Variants in PSMD1 observed in about 807,000 individuals in gnomAD.
PSMD1 encodes the protein 26S proteasome non-ATPase regulatory subunit 1.
A neutral mutation model predicts 119.0 loss-of-function variants in PSMD1; 18 were observed. The observed-to-expected ratio is 0.15, with a 90% CI of 0.10 to 0.22. The LOEUF (loss-of-function observed/expected upper bound fraction) is 0.22, where lower values mean the gene tolerates loss of function less well. Ranked by LOEUF, PSMD1 falls within the 10% of genes least tolerant of loss-of-function variation. The probability of loss-of-function intolerance (pLI) is 1.00; values close to 1 mark genes in which losing one functional copy is unlikely to be tolerated. For synonymous variants in PSMD1, 374 were observed against 396.6 expected (o/e 0.94, Z 0.68); for missense variants, 702 against 1,158.5 (o/e 0.61, Z 5.72).
intron 23 of PSMD1, among the ~76,000 whole-genome samples, chr2:231,167,064 A>T (rs1476163937): frequency 2.0e-5 from 3 of 152,234 alleles, no homozygotes; most frequent in South Asian, 2.1e-4. Context: ...TGTGGAGATT[A>T]AATAGGTTGT....
chr2:231,098,618 T>C (rs774579436), intron 16 of PSMD1, among the ~76,000 whole-genome samples: 9 of 152,002 alleles, frequency 5.9e-5, no homozygotes, highest in African/African-American at 1.7e-4. Context: ...CAGCCACTTA[T>C]GCTGCTGTTC....
At chr2:231,093,208 C>T (rs941139941) in intron 16 of PSMD1, among the ~76,000 whole-genome samples, 1 of 152,054 alleles carries the variant, frequency 6.6e-6, no homozygotes, top group Non-Finnish European at 1.5e-5. Flanking sequence ...GAGATGAGCC[C>T]AATAGAGAGT....
intron 17 of PSMD1, among the ~76,000 whole-genome samples, chr2:231,139,535 C>T (rs1268247532): frequency 7.5e-6 from 1 of 133,568 alleles, no homozygotes; most frequent in African/African-American, 3.0e-5. Context: ...GCATGAGCCA[C>T]TGTGCCTGGC....
At chr2:231,142,714 G>A (rs1696154441) in intron 17 of PSMD1, among the ~76,000 whole-genome samples, 1 of 151,890 alleles carries the variant, frequency 6.6e-6, no homozygotes, top group Non-Finnish European at 1.5e-5. Flanking sequence ...CTCAAAGGCC[G>A]AGTTACTGTC....
chr2:231,141,880 G>GTTTA (rs541233186), intron 17 of PSMD1, among the ~76,000 whole-genome samples: 11 of 151,458 alleles, frequency 7.3e-5, no homozygotes, highest in African/African-American at 1.7e-4. Context: ...TTATTTGTTT[G>GTTTA]TTTATTTATT....
chr2:231,153,475 A>T, intron 18 of PSMD1, 89 bp from the exon 19 acceptor site: 1 of 944,882 alleles, frequency 1.1e-6, no homozygotes, highest in Non-Finnish European at 1.7e-6. Context: ...GAACTAACTC[A>T]TTATCATTGG....
intron 18 of PSMD1, among the ~76,000 whole-genome samples, chr2:231,153,226 CA>C (rs1696409840): frequency 6.6e-6 from 1 of 152,188 alleles, no homozygotes; most frequent in African/African-American, 2.4e-5. Context: ...AGCTATAATT[CA>C]AAATGCAATG....
chr2:231,106,347 G>A (rs1694974011), intron 16 of PSMD1, among the ~76,000 whole-genome samples: 1 of 152,114 alleles, frequency 6.6e-6, no homozygotes, highest in Admixed American at 6.6e-5. Context: ...AGCTAGACAT[G>A]GTGACTCACA....
intron 5 of PSMD1, among the ~76,000 whole-genome samples, chr2:231,069,678 C>T (rs897855076): frequency 5.9e-5 from 9 of 152,128 alleles, no homozygotes; most frequent in Admixed American, 5.9e-4. Context: ...AAGACTTCAG[C>T]AGACACATTT....
intron 16 of PSMD1, among the ~76,000 whole-genome samples, chr2:231,092,426 A>G (rs1694618561): frequency 6.6e-6 from 1 of 152,192 alleles, no homozygotes; most frequent in South Asian, 2.1e-4. Flanking sequence ...GATCTGTGTG[A>G]TTATGAATAA....
chr2:231,132,023 G>C (rs1414492094), intron 16 of PSMD1, among the ~76,000 whole-genome samples: 3 of 152,088 alleles, frequency 2.0e-5, no homozygotes, highest in Non-Finnish European at 4.4e-5. Flanking sequence ...AGCCTTCACA[G>C]CCTATTTCAG....
At chr2:231,147,144 A>G (rs1250449016) in intron 18 of PSMD1, among the ~76,000 whole-genome samples, 2 of 152,070 alleles carry the variant, frequency 1.3e-5, no homozygotes, top group Admixed American at 1.3e-4. Flanking sequence ...TATCCTCCAC[A>G]ATCCACACCC....
intron 17 of PSMD1, among the ~76,000 whole-genome samples, chr2:231,142,128 C>A (rs1346494941): frequency 6.6e-6 from 1 of 152,174 alleles, no homozygotes; most frequent in African/African-American, 2.4e-5. Flanking sequence ...GGTTGTCCAC[C>A]CGCCTCAGCT....
In PSMD1 at chr2:231,113,961, A is replaced by C. The variant is rs111470094; in HGVS notation, c.1884-24775A>C. On this transcript the variant is annotated intron_variant, in intron 16 of 24. Coordinates refer to ENST00000308696, the MANE Select transcript of PSMD1 (RefSeq NM_002807.4). The stretch of plus-strand genomic sequence containing the variant: ...GAAACAAAAACAAGACAAACATTTT[A>C]TTCTATAAAATGGCAACTTTCAGTC... 4.3e-3 allele frequency: 6,848 copies of C among 1,579,440 alleles called. 263 individuals carry two copies. In the African/African-American group the frequency reaches 0.079, roughly 18 times the overall value.
intron 16 of PSMD1, among the ~76,000 whole-genome samples, chr2:231,121,812 A>G (rs969107830): frequency 2.0e-5 from 3 of 152,176 alleles, no homozygotes; most frequent in Non-Finnish European, 2.9e-5. Flanking sequence ...AATTCTTTCA[A>G]TATCATGTAT....
intron 22 of PSMD1, 58 bp from the exon 23 acceptor site, chr2:231,165,813 C>T: frequency 2.9e-6 from 4 of 1,402,008 alleles, no homozygotes; most frequent in Non-Finnish European, 2.9e-6. Context: ...AGATGTTACT[C>T]AGTTCTGTGG....
intron 19 of PSMD1, among the ~76,000 whole-genome samples, chr2:231,154,795 G>A (rs992438820): frequency 6.6e-6 from 1 of 152,052 alleles, no homozygotes; most frequent in Non-Finnish European, 1.5e-5. Flanking sequence ...AATTTTCTTA[G>A]TATTATATGA....
intron 16 of PSMD1, chr2:231,108,525 A>G (rs746531795): frequency 6.8e-6 from 11 of 1,613,098 alleles, no homozygotes; most frequent in Non-Finnish European, 9.3e-6. Context: ...TGCTATACAT[A>G]ACTAACTTGC....
intron 16 of PSMD1, among the ~76,000 whole-genome samples, chr2:231,120,979 G>T (rs1695520988): frequency 6.6e-6 from 1 of 152,180 alleles, no homozygotes. Flanking sequence ...GGTATTTGAA[G>T]TCAGGTTTCC....
Sources: allele counts gnomAD v4.1 joint callset (sites outside exome capture counted in the v4.1 genomes callset), GRCh38; gene constraint gnomAD v4.1.1; transcripts MANE v1.5; gene names NCBI Gene and HGNC (gene_info 2026-07-23, HGNC 2026-07-21).